The following ANKRD36C variants were observed in gnomAD, a reference collection of about 807,000 sequenced individuals.
The protein encoded by ANKRD36C is ankyrin repeat domain 36C.
A neutral mutation model predicts 276.4 loss-of-function variants in ANKRD36C; 61 were observed. The ratio of observed to expected loss-of-function variants is 0.22; its 90% CI spans 0.18 to 0.27. The LOEUF is 0.27. Ranked by LOEUF, ANKRD36C falls within the 10% of genes least tolerant of loss-of-function variation. The pLI, the probability that ANKRD36C is intolerant of heterozygous loss-of-function variation, is 1.00. For missense variants in ANKRD36C, 1,447 were observed against 2,032.3 expected, an observed-to-expected ratio of 0.71 and a Z score of 5.54; for synonymous variants, 483 against 680.1, an observed-to-expected ratio of 0.71 and a Z score of 4.51.
At chr2:95,873,050 A>G (rs1360731975) in intron 59 of ANKRD36C, among the ~76,000 whole-genome samples, 1 of 152,252 alleles carries the variant, frequency 6.6e-6, no homozygotes, top group Non-Finnish European at 1.5e-5. Flanking sequence ...AAAAGAGTCC[A>G]GGACCAGATG....
intron 58 of ANKRD36C, among the ~76,000 whole-genome samples, chr2:95,878,434 T>C (rs1175538694): frequency 6.6e-6 from 1 of 152,170 alleles, no homozygotes; most frequent in African/African-American, 2.4e-5. Flanking sequence ...TTTAAAAAAA[T>C]AGGTTTCTTA....
intron 38 of ANKRD36C, among the ~76,000 whole-genome samples, chr2:95,915,658 C>A (rs1168316354): frequency 6.6e-6 from 1 of 151,542 alleles, no homozygotes. Context: ...TCTGTACTTC[C>A]TCCCTTTCTC....
intron 35 of ANKRD36C, 29 bp downstream of exon 37, chr2:95,917,985 G>A: frequency 1.9e-6 from 3 of 1,599,110 alleles, no homozygotes; most frequent in Non-Finnish European, 2.6e-6. Context: ...ATGTGTCATA[G>A]AATACAATGT....
At position 95,857,365 on chromosome 2, in the gene ANKRD36C, G is replaced by C. The variant is rs1401482661; in HGVS notation, c.4024C>G (p.Pro1342Ala). 6 of 1,608,452 alleles carry C rather than the reference G, an allele frequency of 3.7e-6. No homozygotes were observed. The South Asian group carries it at 5.6e-5, about 15-fold the overall frequency. The change falls in exon 62 of 67, where the codon CCG becomes GCG. Residue 1342 changes from proline to alanine, a missense_variant. Physicochemically the swap from Pro to Ala is conservative, Grantham distance 27. Transcript: ENST00000456556. The stretch of plus-strand genomic sequence containing the variant: ...TCCACCTCTGCTGATTTGAGAGCCG[G>C]TTTAATTGGTTTTGTCACATCAGCT...
At chr2:95,866,748 T>C (rs1357421845) in intron 60 of ANKRD36C, among the ~76,000 whole-genome samples, 1 of 152,076 alleles carries the variant, frequency 6.6e-6, no homozygotes, top group Non-Finnish European at 1.5e-5. Flanking sequence ...TGAAGGGCCA[T>C]GAGGAGACGT....
chr2:95,909,750 T>C (rs1676855101), intron 42 of ANKRD36C, among the ~76,000 whole-genome samples: 1 of 150,906 alleles, frequency 6.6e-6, no homozygotes, highest in Non-Finnish European at 1.5e-5. Context: ...TTTATGCCAA[T>C]TCTAGGATTG....
In ANKRD36C at chr2:95,923,744, T is replaced by C. The variant is rs202190400; in HGVS notation, c.2042-55A>G. On this transcript the variant is annotated intron_variant, in intron 30 of 66. Coordinates refer to ENST00000456556, the Ensembl canonical transcript of ANKRD36C. ...CATATGTAAATATGATAAAGTTATC[T>C]ATACATTCATGAAGTGTTAGAATCA... The C allele has an allele frequency of 1.0e-5, 16 of 1,596,470 alleles. No individual in the cohort carries two copies. In the East Asian group the frequency reaches 2.7e-4, roughly 27 times the overall value.
intron 13 of ANKRD36C, among the ~76,000 whole-genome samples, chr2:95,954,525 G>T (rs1336160628): frequency 1.3e-5 from 2 of 152,086 alleles, no homozygotes; most frequent in Non-Finnish European, 2.9e-5. Context: ...ACTTAAAGAG[G>T]GCCCATTGAT....
At chr2:95,895,702 C>A (rs1488565083) in intron 44 of ANKRD36C, 112 bp from the exon 61 acceptor site, 4 of 1,516,880 alleles carry the variant, frequency 2.6e-6, no homozygotes, top group East Asian at 2.4e-5. Context: ...TTAGTGGAGG[C>A]TTTCATGGCT....
intron 59 of ANKRD36C, among the ~76,000 whole-genome samples, chr2:95,872,939 A>C (rs1304102359): frequency 3.3e-5 from 5 of 152,048 alleles, no homozygotes; most frequent in African/African-American, 7.2e-5. Flanking sequence ...AATTCCTGGA[A>C]ACATACACCC....
chr2:95,876,458 T>A (rs753780340), exon 59 of ANKRD36C: 14 of 1,596,512 alleles, frequency 8.8e-6, no homozygotes, highest in Non-Finnish European at 1.2e-5. Context: ...GTTATTTTCA[T>A]ATTCTTCAAG....
At chr2:95,950,886 G>C in intron 15 of ANKRD36C, 107 bp from the exon 16 acceptor site, 1 of 1,125,346 alleles carries the variant, frequency 8.9e-7, no homozygotes, top group Non-Finnish European at 1.2e-6. Flanking sequence ...CAGCTACTCA[G>C]AAGGCTGAGG....
chr2:95,991,445 C>G (rs1392757660), intron 1 of ANKRD36C, 67 bp downstream of exon 1: 61 of 1,526,122 alleles, frequency 4.0e-5, no homozygotes, highest in Non-Finnish European at 4.1e-5. Flanking sequence ...AGCCCTCAGC[C>G]TGGAAAGGGG....
exon 63 of ANKRD36C, chr2:95,855,522 T>C: frequency 6.2e-7 from 1 of 1,611,598 alleles, no homozygotes; most frequent in African/African-American, 1.3e-5. Flanking sequence ...AAATCTTTCC[T>C]GCTTTTCTAT....
At chr2:95,938,424 A>G (rs934842786) in intron 22 of ANKRD36C, among the ~76,000 whole-genome samples, 4 of 151,378 alleles carry the variant, frequency 2.6e-5, no homozygotes, top group African/African-American at 9.7e-5. Flanking sequence ...CAATGTAACA[A>G]CACTGACATA....
At position 95,919,769 on chromosome 2, in the gene ANKRD36C, C is replaced by T. The variant is rs1677215248; in HGVS notation, c.2246-1727G>A. The stretch of plus-strand genomic sequence containing the variant: ...TTTTCTCCATCCTTTATTTCTGTGG[C>T]TATATTCAAAACAGAATCTTCCTCG... On this transcript the variant is annotated intron_variant, in intron 34 of 66. Coordinates refer to ENST00000456556, the Ensembl canonical transcript of ANKRD36C. 3.6e-6 allele frequency: 5 copies of T among 1,377,432 alleles called. 1 individual carries two copies. The highest frequency in any genetic ancestry group is 4.9e-6 in the Non-Finnish European group (5 of 1,022,512). The allele number at this position is 1,377,432 out of a possible 1,614,324, so 85.3% of individuals were successfully genotyped here. A position where few individuals can be genotyped will look rare whatever the true frequency, so the allele number is the denominator to read the frequency against.
rs988434899 is a variant in ANKRD36C, at chr2:95,891,560, T to C, written c.2857+105A>G. On this transcript the variant is annotated intron_variant, in intron 46 of 66. Transcript: ENST00000456556. ...GAAATGAAGAATCTCAGGACTGCTG[T>C]ATCAGAATGTGCAGCTTCAACGAAC... 8 of 1,360,148 alleles carry C rather than the reference T, an allele frequency of 5.9e-6. No homozygotes were observed. The East Asian group carries it at 2.0e-4, about 34-fold the overall frequency. 84.3% of individuals were successfully genotyped at this position (1,360,148 alleles called of 1,614,324 possible). A position where few individuals can be genotyped will look rare whatever the true frequency, so the allele number is the denominator to read the frequency against.
intron 22 of ANKRD36C, among the ~76,000 whole-genome samples, chr2:95,937,602 T>G (rs1460385282): frequency 1.4e-5 from 2 of 146,224 alleles, no homozygotes; most frequent in African/African-American, 5.5e-5. Context: ...GGTCCTAAAC[T>G]GTGATTTGAT....
In ANKRD36C at chr2:95,944,701, T is replaced by G; in HGVS notation, c.1424-7A>C. The G allele has an allele frequency of 6.5e-7, 1 of 1,536,510 alleles. No individual in the cohort carries two copies. ...ATGCCACATGCAGCATCTACTACAGTAAAAACAAAGTCAAGAGTAGATGAA... is the reference window on the plus strand; with the variant it reads ...ATGCCACATGCAGCATCTACTACAGGAAAAACAAAGTCAAGAGTAGATGAA... On this transcript the variant is annotated splice_polypyrimidine_tract_variant and splice_region_variant and intron_variant, in intron 18 of 66. Transcript: ENST00000456556.
Sources: allele counts gnomAD v4.1 joint callset (sites outside exome capture counted in the v4.1 genomes callset), GRCh38; gene constraint gnomAD v4.1.1; transcripts MANE v1.5; gene names NCBI Gene and HGNC (gene_info 2026-07-23, HGNC 2026-07-21).